F10: variants seen among roughly 807,000 people sequenced by gnomAD.
The protein encoded by F10 is Stuart-Prower factor.
In F10, 29 loss-of-function variants were observed where a neutral mutation model predicts 37.1. The observed-to-expected ratio is 0.78, with a 90% CI of 0.58 to 1.07. The LOEUF (loss-of-function observed/expected upper bound fraction) is 1.07, where lower values mean the gene tolerates loss of function less well. Among genes scored for constraint, F10 ranks in the 50% least tolerant of loss-of-function variants. The pLI, the probability that F10 is intolerant of heterozygous loss-of-function variation, is 0.00. For synonymous variants in F10, 262 were observed against 268.6 expected (o/e 0.98, Z 0.24); for missense variants, 539 against 667.9 (o/e 0.81, Z 2.13).
chr13:113,145,894 G>C (rs9604030), intron 6 of F10, among the ~76,000 whole-genome samples: 3,862 of 152,280 alleles, frequency 0.025, 146 homozygotes, highest in African/African-American at 0.087. Flanking sequence ...GCTACAGTTT[G>C]AGATGAGATT....
rs1170291536 is a variant in F10 at position 113,136,633 on chromosome 13, CTTTTTTTTTTTTTTTTTTTT to C, written c.232-1808_232-1789del. ...CCACCATGGCAGGCTAATTCTTGTA[CTTTTTTTTTTTTTTTTTTTT>C]TTTTTTTTTTTTTTTGAGACGGAGT... On this transcript the variant is annotated intron_variant, in intron 2 of 7. Transcript: ENST00000375559. Among the ~76,000 whole-genome samples the C allele has an allele frequency of 6.6e-4, 4 of 6,020 alleles. 2 individuals carry two copies. Among genetic ancestry groups the C allele is most frequent in the South Asian group, 0.029 (2 of 70 alleles). The allele number at this position is 6,020 out of a possible 152,430, so 3.9% of individuals were successfully genotyped here. A position where few individuals can be genotyped will look rare whatever the true frequency, so the allele number is the denominator to read the frequency against.
chr13:113,128,886 G>GA (rs778396585), intron 1 of F10: 8,282 of 44,600 alleles, frequency 0.19, 418 homozygotes, highest in Non-Finnish European at 0.21. Flanking sequence ...ATCTTAAAGA[G>GA]AAAAAAAAAA....
At chr13:113,130,072 A>C in intron 2 of F10, 1 of 305,310 alleles carries the variant, frequency 3.3e-6, no homozygotes, top group South Asian at 3.0e-5. Context: ...AACTGACGCC[A>C]GGCCACGAAC....
intron 6 of F10, among the ~76,000 whole-genome samples, chr13:113,147,125 C>T (rs779809336): frequency 2.0e-5 from 3 of 152,136 alleles, no homozygotes; most frequent in African/African-American, 7.2e-5. Context: ...ACAGATGTGT[C>T]GTGTGCATGA....
At chr13:113,123,648 G>A (rs983195476) in intron 1 of F10, among the ~76,000 whole-genome samples, 4 of 152,206 alleles carry the variant, frequency 2.6e-5, no homozygotes, top group African/African-American at 9.6e-5. Context: ...GCCTGGGAAG[G>A]GAATGTGTGA....
intron 4 of F10, 50 bp from the exon 5 acceptor site, chr13:113,140,869 G>A (rs779887338): frequency 1.2e-6 from 2 of 1,613,330 alleles, no homozygotes; most frequent in East Asian, 2.2e-5. Context: ...GGCCAGCCCA[G>A]CCTCCATTTC....
Position 113,145,024 on chromosome 13 carries a change from G to A in F10, c.747+929G>A, listed in dbSNP as rs3211788. 2.3e-3 allele frequency among the ~76,000 whole-genome samples: 350 copies of A among 152,192 alleles called. 1 individual carries two copies. Among genetic ancestry groups the A allele is most frequent in the African/African-American group, 7.9e-3 (329 of 41,540 alleles). On this transcript the variant is annotated intron_variant, in intron 6 of 7. Transcript: ENST00000375559. ...CTCCCGAGTAGCTGGGACTACAGGC[G>A]CCTGCCACCACGCCCAGCTAATTTT... is the stretch of plus-strand genomic sequence containing the variant.
At position 113,143,734 on chromosome 13, in the gene F10, C is replaced by T. The variant is rs1323238519; in HGVS notation, c.503-117C>T. 17 of 1,467,278 alleles carry T rather than the reference C, an allele frequency of 1.2e-5. No homozygotes were observed. The East Asian group carries it at 1.5e-4, about 13-fold the overall frequency. 90.9% of individuals were successfully genotyped at this position (1,467,278 alleles called of 1,614,324 possible). ...TCGCCCTGCAAGCCCGCTGCCCCTC[C>T]GGGTGCCCCTGCGCTCTGCCTCCCG... is the stretch of plus-strand genomic sequence containing the variant. On this transcript the variant is annotated intron_variant, in intron 5 of 7. Coordinates refer to ENST00000375559, the MANE Select transcript of F10 (RefSeq NM_000504.4). The surrounding 1 kb of genome is among the most constrained non-coding windows in gnomAD (Gnocchi z 6.8).
intron 2 of F10, among the ~76,000 whole-genome samples, chr13:113,134,555 G>A (rs945360893): frequency 2.0e-4 from 31 of 152,152 alleles, no homozygotes; most frequent in African/African-American, 7.2e-4. Flanking sequence ...CCACCCTCAC[G>A]ATTCAGTTAC....
intron 1 of F10, 120 bp from the exon 2 acceptor site, chr13:113,129,332 G>C (rs2036402371): frequency 7.7e-7 from 1 of 1,299,110 alleles, no homozygotes; most frequent in African/African-American, 1.5e-5. Context: ...GTTTACAAGA[G>C]AGTGATCCGC....
chr13:113,144,437 G>A lies in F10; in HGVS notation c.747+342G>A, dbSNP rs929912786. 6.6e-5 allele frequency among the ~76,000 whole-genome samples: 10 copies of A among 152,306 alleles called. No homozygotes were observed. The highest frequency in any genetic ancestry group is 3.9e-4 in the East Asian group (2 of 5,164). ...AGAGAGGGAGAAGGCGCAGCCACAC[G>A]CTCAAGTGTCCTCAAACCTCCCCTA... On this transcript the variant is annotated intron_variant, in intron 6 of 7. Transcript: ENST00000375559. This position sits in a 1 kb window ranked among gnomAD's most constrained non-coding sequence, Gnocchi z 6.4.
At chr13:113,126,499 G>A (rs901339405) in intron 1 of F10, among the ~76,000 whole-genome samples, 5 of 152,308 alleles carry the variant, frequency 3.3e-5, no homozygotes, top group East Asian at 3.9e-4. Flanking sequence ...CAGAGGAGGC[G>A]CAAGGGATCG....
chr13:113,139,250 A>G lies in F10; in HGVS notation c.257-107A>G. On this transcript the variant is annotated intron_variant, in intron 3 of 7. Transcript: ENST00000375559. The surrounding 1 kb of genome is among the most constrained non-coding windows in gnomAD (Gnocchi z 5.2). ...GAGTTGTTTACAGAGAAACCGGAAG[A>G]CTCTTCCAGTTATCTGAACGGCAGG... 1.2e-5 allele frequency: 10 copies of G among 837,968 alleles called. No homozygotes were observed. The South Asian group carries it at 1.5e-4, about 12-fold the overall frequency. The allele number at this position is 837,968 out of a possible 1,614,324, so 51.9% of individuals were successfully genotyped here.
intron 4 of F10, 156 bp from the exon 5 acceptor site, chr13:113,140,763 T>G: frequency 8.8e-7 from 1 of 1,140,096 alleles, no homozygotes; most frequent in Non-Finnish European, 1.3e-6. Context: ...AGGTTGCCCT[T>G]CAAGGCAAGT....
intron 4 of F10, chr13:113,140,674 G>T (rs753980016): frequency 2.6e-5 from 18 of 680,910 alleles, no homozygotes; most frequent in Middle Eastern, 2.4e-4. Context: ...CGGCCATCCC[G>T]GAGGTGTGAG....
At chr13:113,124,875 G>C (rs2142247061) in intron 1 of F10, among the ~76,000 whole-genome samples, 1 of 152,362 alleles carries the variant, frequency 6.6e-6, no homozygotes, top group Non-Finnish European at 1.5e-5. Context: ...GAGAGAGTCT[G>C]CTCTAGGCCT....
Position 113,129,599 on chromosome 13 carries a change from A to T in F10, c.218A>T (p.Asp73Val), listed in dbSNP as rs1178505067. 1 of 1,614,210 alleles carries T rather than the reference A, an allele frequency of 6.2e-7. No homozygotes were observed. The highest frequency in any genetic ancestry group is 8.5e-7 in the Non-Finnish European group (1 of 1,180,030). The change falls in exon 2 of 8, where the codon GAC (aspartate) becomes GTC (valine). Residue 73 changes from aspartate to valine, a missense_variant. Physicochemically the swap from Asp to Val is radical, Grantham distance 152. Coordinates refer to ENST00000375559, the MANE Select transcript of F10 (RefSeq NM_000504.4). ...SYEEAREVFEDSDKTNEFWNK... is the reference protein window; with the variant it reads ...SYEEAREVFEVSDKTNEFWNK... ...GAAGAGGCCCGCGAGGTCTTTGAGGACAGCGACAAGACGGTAAGGGCTGGG... is the reference window on the plus strand; with the variant it reads ...GAAGAGGCCCGCGAGGTCTTTGAGGTCAGCGACAAGACGGTAAGGGCTGGG...
chr13:113,123,187 G>T (rs945741456), intron 1 of F10, among the ~76,000 whole-genome samples: 5 of 152,206 alleles, frequency 3.3e-5, no homozygotes, highest in Admixed American at 6.5e-5. Context: ...GAGAGAAAGG[G>T]AGAGGGAAGG....
chr13:113,138,024 T>A (rs1044667230), intron 2 of F10, among the ~76,000 whole-genome samples: 1 of 152,212 alleles, frequency 6.6e-6, no homozygotes, highest in Non-Finnish European at 1.5e-5. Context: ...TCTAGGCTCT[T>A]GATGACCTGT....
Sources: gnomAD v4.1 joint callset for allele counts (sites outside exome capture counted in the v4.1 genomes callset) on GRCh38, gnomAD v4.1.1 for gene constraint, Gnocchi (gnomAD v3.1) non-coding constraint, MANE v1.5 for transcripts, NCBI Gene and HGNC (gene_info 2026-07-23, HGNC 2026-07-21) for gene names.